CTNNA3: variants seen among roughly 807,000 people sequenced by gnomAD.
CTNNA3 encodes catenin alpha-3.
CTNNA3 carries 76 observed loss-of-function variants against 95.7 expected under a neutral mutation model. The ratio of observed to expected loss-of-function variants is 0.79; its 90% CI spans 0.66 to 0.96. The LOEUF is 0.96. Ranked by LOEUF, CTNNA3 falls within the 40% of genes least tolerant of loss-of-function variation. The pLI, the probability that CTNNA3 is intolerant of heterozygous loss-of-function variation, is 0.00. For synonymous variants in CTNNA3, 431 were observed against 374.4 expected (o/e 1.15, Z -1.74); for missense variants, 1,191 against 1,089.8 (o/e 1.09, Z -1.31).
In CTNNA3 at chr10:66,102,873, T is replaced by C. The variant is rs1458822296; in HGVS notation, c.1977+284A>G. On this transcript the variant is annotated intron_variant, in intron 14 of 17. Transcript: ENST00000433211. Reference sequence around the variant, plus strand: ...CTTTTTTCTAGTCTAAGCAAACATGTACATATTTCACTTTTATATTCCCAT... The same window carrying C: ...CTTTTTTCTAGTCTAAGCAAACATGCACATATTTCACTTTTATATTCCCAT... 3.9e-5 allele frequency among the ~76,000 whole-genome samples: 6 copies of C among 152,306 alleles called. 1 individual carries two copies. In the South Asian group the frequency reaches 1.2e-3, roughly 32 times the overall value.
chr10:66,046,581 AC>A (rs1164911362), intron 15 of CTNNA3, among the ~76,000 whole-genome samples: 3 of 152,184 alleles, frequency 2.0e-5, no homozygotes, highest in African/African-American at 4.8e-5. Flanking sequence ...AAACAGATAA[AC>A]CCCAAAGCTA....
At chr10:66,899,654 T>C (rs571163816) in intron 7 of CTNNA3, among the ~76,000 whole-genome samples, 7 of 152,226 alleles carry the variant, frequency 4.6e-5, no homozygotes, top group African/African-American at 1.7e-4. Context: ...CCCCAAATAC[T>C]GTGCTTTTCA....
intron 2 of CTNNA3, among the ~76,000 whole-genome samples, chr10:67,628,951 A>T (rs937340115): frequency 6.6e-5 from 10 of 152,034 alleles, no homozygotes; most frequent in Non-Finnish European, 1.0e-4. Flanking sequence ...AAGGTTTCTG[A>T]CAACTCTGAA....
chr10:66,063,677 A>G (rs1276045410), intron 15 of CTNNA3, among the ~76,000 whole-genome samples: 2 of 152,104 alleles, frequency 1.3e-5, no homozygotes, highest in East Asian at 3.9e-4. Context: ...TTATAATGCT[A>G]TTGCTTTTTT....
At chr10:67,376,694 A>G (rs960809234) in intron 5 of CTNNA3, among the ~76,000 whole-genome samples, 1 of 152,246 alleles carries the variant, frequency 6.6e-6, no homozygotes, top group Non-Finnish European at 1.5e-5. Flanking sequence ...TAGTAAGCCA[A>G]GTATCCCTCT....
intron 5 of CTNNA3, among the ~76,000 whole-genome samples, chr10:67,374,344 G>A (rs1342326977): frequency 2.0e-5 from 3 of 151,996 alleles, no homozygotes; most frequent in Non-Finnish European, 4.4e-5. Flanking sequence ...ACTCTGTTCT[G>A]GAATTTTGTT....
intron 7 of CTNNA3, chr10:67,099,728 T>C (rs1410617067): frequency 6.6e-6 from 1 of 152,284 alleles, no homozygotes; most frequent in African/African-American, 2.4e-5. Context: ...GTCAACTATT[T>C]AGCATCCCAG....
intron 7 of CTNNA3, among the ~76,000 whole-genome samples, chr10:66,985,224 T>C (rs1850662541): frequency 6.6e-6 from 1 of 152,180 alleles, no homozygotes; most frequent in South Asian, 2.1e-4. Context: ...GTTTATTTAG[T>C]AAAGGGGTGA....
At chr10:65,996,239 T>C (rs993088368) in intron 15 of CTNNA3, among the ~76,000 whole-genome samples, 7 of 151,916 alleles carry the variant, frequency 4.6e-5, no homozygotes, top group African/African-American at 1.5e-4. Context: ...GGAGGCAGAG[T>C]TGCTATCAGT....
intron 2 of CTNNA3, among the ~76,000 whole-genome samples, chr10:67,612,817 A>G (rs1354697694): frequency 6.6e-6 from 1 of 152,136 alleles, no homozygotes; most frequent in African/African-American, 2.4e-5. Context: ...CTTGTCATCC[A>G]AGACACAGAA....
chr10:67,108,216 A>C (rs1241435893), intron 7 of CTNNA3, among the ~76,000 whole-genome samples: 2 of 152,192 alleles, frequency 1.3e-5, no homozygotes, highest in African/African-American at 2.4e-5. Context: ...ATTGTCAGTA[A>C]AGTTGTCATT....
intron 10 of CTNNA3, among the ~76,000 whole-genome samples, chr10:66,613,001 C>G (rs1268246156): frequency 6.6e-6 from 1 of 151,980 alleles, no homozygotes; most frequent in Non-Finnish European, 1.5e-5. Context: ...CCTTTATTTT[C>G]CTCCGTGACT....
At chr10:65,982,246 A>T (rs1319936209) in intron 16 of CTNNA3, among the ~76,000 whole-genome samples, 4 of 151,926 alleles carry the variant, frequency 2.6e-5, no homozygotes, top group Non-Finnish European at 5.9e-5. Flanking sequence ...ATATGAAAAA[A>T]ATGTTCAACT....
intron 11 of CTNNA3, among the ~76,000 whole-genome samples, chr10:66,511,108 C>A (rs564495630): frequency 2.0e-4 from 30 of 151,732 alleles, no homozygotes; most frequent in Non-Finnish European, 4.3e-4. Context: ...TTGGTTCAAT[C>A]TTGGTATTTT....
intron 13 of CTNNA3, among the ~76,000 whole-genome samples, chr10:66,263,031 C>A (rs183495152): frequency 1.3e-5 from 2 of 151,948 alleles, no homozygotes; most frequent in East Asian, 3.9e-4. Context: ...TGATTTGAAA[C>A]TATTATTCTC....
At chr10:67,375,056 C>T (rs1843638499) in intron 5 of CTNNA3, among the ~76,000 whole-genome samples, 1 of 152,104 alleles carries the variant, frequency 6.6e-6, no homozygotes, top group Non-Finnish European at 1.5e-5. Context: ...GTTGAAGATG[C>T]TATTTATTAT....
At chr10:67,185,926 A>G (rs1398788168) in intron 6 of CTNNA3, among the ~76,000 whole-genome samples, 3 of 151,748 alleles carry the variant, frequency 2.0e-5, no homozygotes, top group African/African-American at 7.3e-5. Context: ...AGATTGAGGC[A>G]GGAGAATTGC....
At chr10:67,374,130 A>G (rs1444122630) in intron 5 of CTNNA3, among the ~76,000 whole-genome samples, 1 of 152,010 alleles carries the variant, frequency 6.6e-6, no homozygotes, top group Admixed American at 6.6e-5. Flanking sequence ...TTTCAGCAAA[A>G]TTTTTCTATA....
intron 14 of CTNNA3, among the ~76,000 whole-genome samples, chr10:66,088,624 T>G (rs1281635098): frequency 2.0e-5 from 3 of 151,854 alleles, no homozygotes; most frequent in Non-Finnish European, 4.4e-5. Context: ...ATAAAGGTTT[T>G]CAATGCTTAC....
Sources: gnomAD v4.1 joint callset for allele counts (sites outside exome capture counted in the v4.1 genomes callset) on GRCh38, gnomAD v4.1.1 for gene constraint, MANE v1.5 for transcripts, NCBI Gene and HGNC (gene_info 2026-07-23, HGNC 2026-07-21) for gene names.